The following SSBP2 variants were observed in gnomAD, a reference collection of about 807,000 sequenced individuals.
SSBP2 encodes single-stranded DNA-binding protein 2.
A neutral mutation model predicts 61.8 loss-of-function variants in SSBP2; 17 were observed. That is an observed-to-expected ratio of 0.28 (90% confidence interval 0.19 to 0.41). SSBP2 has a LOEUF of 0.41. Ranked by LOEUF, SSBP2 falls within the 10% of genes least tolerant of loss-of-function variation. SSBP2 has a pLI of 1.00. For synonymous variants in SSBP2, 139 were observed against 141.3 expected, an observed-to-expected ratio of 0.98 and a Z score of 0.12; for missense variants, 310 against 458.7, an observed-to-expected ratio of 0.68 and a Z score of 2.96.
At chr5:81,748,948 A>C (rs1757527556) in intron 1 of SSBP2, among the ~76,000 whole-genome samples, 2 of 152,266 alleles carry the variant, frequency 1.3e-5, no homozygotes, top group South Asian at 4.1e-4. Context: ...GATTCAACTA[A>C]AGTTCACCCC....
chr5:81,501,268 T>TATATACATAC (rs1205403428), intron 5 of SSBP2, among the ~76,000 whole-genome samples: 6 of 35,776 alleles, frequency 1.7e-4, no homozygotes, highest in Admixed American at 3.4e-4. Context: ...TATATATATA[T>TATATACATAC]ACACACACAC....
Position 81,414,588 on chromosome 5 carries a change from A to C in SSBP2, c.*5916T>G, listed in dbSNP as rs1761238617. 6.6e-6 allele frequency: 1 copy of C among 152,230 alleles called. No homozygotes were observed. The highest frequency in any genetic ancestry group is 2.4e-5 in the African/African-American group (1 of 41,468). The allele number at this position is 152,230 out of a possible 1,614,324, so 9.4% of individuals were successfully genotyped here. ...CAGTTTCTTGTAAACAAATGTCTGTATCAAACCACTATAATTACTGTGTAA... is the reference window on the plus strand; with the variant it reads ...CAGTTTCTTGTAAACAAATGTCTGTCTCAAACCACTATAATTACTGTGTAA... On this transcript the variant is annotated 3_prime_UTR_variant, in exon 17 of 17. Transcript: ENST00000320672.
chr5:81,591,486 C>A (rs931541709), intron 4 of SSBP2, among the ~76,000 whole-genome samples: 1 of 152,008 alleles, frequency 6.6e-6, no homozygotes, highest in East Asian at 1.9e-4. Context: ...TTGGAACTAT[C>A]AGATAGGAAG....
chr5:81,640,182 A>T (rs568133949), intron 2 of SSBP2, among the ~76,000 whole-genome samples: 6 of 152,260 alleles, frequency 3.9e-5, no homozygotes, highest in African/African-American at 1.4e-4. Context: ...TCTACTAAAA[A>T]TACAAAAATT....
intron 4 of SSBP2, among the ~76,000 whole-genome samples, chr5:81,577,502 T>A (rs1774301936): frequency 6.6e-6 from 1 of 152,020 alleles, no homozygotes; most frequent in South Asian, 2.1e-4. Flanking sequence ...AAGGAATACA[T>A]TAGGAAGCAA....
At chr5:81,430,656 CA>C (rs1342014086) in intron 15 of SSBP2, among the ~76,000 whole-genome samples, 2 of 152,156 alleles carry the variant, frequency 1.3e-5, no homozygotes, top group Non-Finnish European at 1.5e-5. Context: ...AAAATACTTC[CA>C]GTGTTATTAT....
intron 8 of SSBP2, among the ~76,000 whole-genome samples, chr5:81,471,509 T>G (rs1362717860): frequency 6.6e-6 from 1 of 151,966 alleles, no homozygotes; most frequent in Non-Finnish European, 1.5e-5. Context: ...AAAAAATCCT[T>G]TAACAGCCAG....
intron 2 of SSBP2, among the ~76,000 whole-genome samples, chr5:81,644,629 GT>G (rs1351725643): frequency 2.6e-5 from 4 of 152,174 alleles, no homozygotes; most frequent in Non-Finnish European, 4.4e-5. Flanking sequence ...TCAACCTTAA[GT>G]GAGAATCTTT....
intron 5 of SSBP2, among the ~76,000 whole-genome samples, chr5:81,494,561 C>T (rs1767147788): frequency 6.6e-6 from 1 of 152,180 alleles, no homozygotes; most frequent in Non-Finnish European, 1.5e-5. Context: ...CTCTTTCCTT[C>T]TGCCATGTGA....
intron 1 of SSBP2, among the ~76,000 whole-genome samples, chr5:81,715,993 G>A (rs1007625578): frequency 1.3e-5 from 2 of 151,984 alleles, no homozygotes; most frequent in Non-Finnish European, 2.9e-5. Context: ...GGAGGTGGAG[G>A]TTGCAATGAG....
At chr5:81,740,356 T>C (rs1756929936) in intron 1 of SSBP2, among the ~76,000 whole-genome samples, 1 of 150,078 alleles carries the variant, frequency 6.7e-6, no homozygotes, top group Non-Finnish European at 1.5e-5. Flanking sequence ...CTTCCCAGGA[T>C]AGCTAGCGCT....
chr5:81,427,897 G>A (rs879354693), intron 16 of SSBP2, among the ~76,000 whole-genome samples: 29 of 151,950 alleles, frequency 1.9e-4, no homozygotes, highest in Admixed American at 3.9e-4. Context: ...ATTCCATTGG[G>A]GTTTCTAATG....
At chr5:81,421,190 C>G (rs1446834204) in intron 16 of SSBP2, among the ~76,000 whole-genome samples, 1 of 152,064 alleles carries the variant, frequency 6.6e-6, no homozygotes, top group African/African-American at 2.4e-5. Flanking sequence ...ATCTGTGACT[C>G]TAATCTTTTT....
intron 1 of SSBP2, among the ~76,000 whole-genome samples, chr5:81,696,486 T>C (rs1180260282): frequency 6.6e-6 from 1 of 152,096 alleles, no homozygotes; most frequent in East Asian, 1.9e-4. Flanking sequence ...GTATGGAAGT[T>C]GGGGGTGGGA....
chr5:81,700,239 A>G (rs764114146), intron 1 of SSBP2, among the ~76,000 whole-genome samples: 1 of 152,196 alleles, frequency 6.6e-6, no homozygotes, highest in Non-Finnish European at 1.5e-5. Flanking sequence ...GCAGGGAAAC[A>G]ATATCAATCT....
At chr5:81,637,870 T>C (rs918324861) in intron 2 of SSBP2, among the ~76,000 whole-genome samples, 2 of 152,134 alleles carry the variant, frequency 1.3e-5, no homozygotes, top group African/African-American at 4.8e-5. Flanking sequence ...CCAACAATGA[T>C]AGACTGGATT....
intron 4 of SSBP2, among the ~76,000 whole-genome samples, chr5:81,535,215 T>C (rs1035135214): frequency 1.3e-5 from 2 of 152,090 alleles, no homozygotes; most frequent in Non-Finnish European, 2.9e-5. Context: ...ATAAATCTAA[T>C]AAAATTATGT....
At chr5:81,535,151 TA>T (rs1202055188) in intron 4 of SSBP2, among the ~76,000 whole-genome samples, 1 of 151,784 alleles carries the variant, frequency 6.6e-6, no homozygotes, top group Non-Finnish European at 1.5e-5. Flanking sequence ...AAATTTGACA[TA>T]AAAAAACACA....
chr5:81,555,937 T>C (rs976845434), intron 4 of SSBP2, among the ~76,000 whole-genome samples: 4 of 152,116 alleles, frequency 2.6e-5, no homozygotes, highest in Non-Finnish European at 4.4e-5. Context: ...AATGAGCAGA[T>C]AGTAAATATA....
Sources: allele counts gnomAD v4.1 joint callset (sites outside exome capture counted in the v4.1 genomes callset), GRCh38; gene constraint gnomAD v4.1.1; transcripts MANE v1.5; gene names NCBI Gene and HGNC (gene_info 2026-07-23, HGNC 2026-07-21).